The following CTTNBP2 variants were observed in gnomAD, a reference collection of about 807,000 sequenced individuals.
The protein encoded by CTTNBP2 is cortactin-binding protein 2.
A neutral mutation model predicts 156.9 loss-of-function variants in CTTNBP2; 108 were observed. The ratio of observed to expected loss-of-function variants is 0.69; its 90% CI spans 0.59 to 0.81. CTTNBP2 has a LOEUF of 0.81. CTTNBP2 is among the 30% of genes least tolerant of loss of function. The pLI is 0.00. For missense variants in CTTNBP2, 1,924 were observed against 2,035.4 expected (o/e 0.95, Z 1.05); for synonymous variants, 767 against 751.8 (o/e 1.02, Z -0.33).
chr7:117,724,532 A>AC lies in CTTNBP2; in HGVS notation c.4447+14dup, dbSNP rs1218520776. The AC allele has an allele frequency of 2.5e-6, 4 of 1,592,670 alleles. No homozygotes were observed. The East Asian group carries it at 9.0e-5, about 36-fold the overall frequency. On this transcript the variant is annotated intron_variant, in intron 19 of 22. Transcript: ENST00000160373. Reference sequence around the variant, plus strand: ...CCACCTCCTGGTAGGCAACATGCCTACCCCCGCCCTTTACCTTCAGTGCTT... The same window carrying AC: ...CCACCTCCTGGTAGGCAACATGCCTACCCCCCGCCCTTTACCTTCAGTGCTT...
intron 14 of CTTNBP2, among the ~76,000 whole-genome samples, chr7:117,737,990 G>A (rs540025239): frequency 1.5e-3 from 221 of 152,298 alleles, no homozygotes; most frequent in Middle Eastern, 6.8e-3. Flanking sequence ...TTATAAAAGC[G>A]TCATCATGGT....
At chr7:117,811,050 A>G in intron 2 of CTTNBP2, 61 bp from the exon 3 acceptor site, 1 of 1,290,960 alleles carries the variant, frequency 7.7e-7, no homozygotes, top group Non-Finnish European at 1.1e-6. Context: ...AAAGATATTT[A>G]TAAGAAGGTT....
In CTTNBP2 at chr7:117,802,188, G is replaced by A. The variant is rs748575725; in HGVS notation, c.414+8577C>T. On this transcript the variant is annotated intron_variant, in intron 3 of 22. Transcript: ENST00000160373. The stretch of plus-strand genomic sequence containing the variant: ...TTTTTTGTTCTTGCGATAGTTTACT[G>A]AGAATGATGATTCAATACAGGAAAA... Among the ~76,000 whole-genome samples the A allele has an allele frequency of 8.6e-5, 13 of 151,356 alleles. No homozygotes were observed. In the East Asian group the frequency reaches 1.6e-3, roughly 18 times the overall value.
intron 14 of CTTNBP2, among the ~76,000 whole-genome samples, chr7:117,744,023 A>T (rs58931851): frequency 0.05 from 7,551 of 151,000 alleles, 556 homozygotes; most frequent in African/African-American, 0.17. Flanking sequence ...TTTCTTTTTT[A>T]AAAAAAAATT....
intron 2 of CTTNBP2, among the ~76,000 whole-genome samples, chr7:117,823,376 T>G (rs1801083686): frequency 6.6e-6 from 1 of 152,208 alleles, no homozygotes; most frequent in Non-Finnish European, 1.5e-5. Flanking sequence ...TGAAAAAAAT[T>G]GTTTAATATA....
At chr7:117,817,361 A>AAT (rs59036381) in intron 2 of CTTNBP2, among the ~76,000 whole-genome samples, 887 of 53,180 alleles carry the variant, frequency 0.017, 30 homozygotes, top group African/African-American at 0.032. Context: ...AAAAAAAAAA[A>AAT]ATATATATAT....
chr7:117,762,128 C>T (rs1797248749), intron 9 of CTTNBP2, among the ~76,000 whole-genome samples: 4 of 152,108 alleles, frequency 2.6e-5, no homozygotes, highest in Admixed American at 2.0e-4. Flanking sequence ...TGTTTTGGGG[C>T]TCCTTTCTCT....
Position 117,711,635 on chromosome 7 carries a change from T to C in CTTNBP2, c.4894A>G (p.Ser1632Gly). 1.2e-6 allele frequency: 2 copies of C among 1,614,122 alleles called. No individual in the cohort carries two copies. The highest frequency in any genetic ancestry group is 1.7e-6 in the Non-Finnish European group (2 of 1,179,980). ...QCSQNTKRSS[S>G]SSNTRQIEIN... ...TCTATTTGCCTTGTATTACTGCTGC[T>C]GCTGCTTCTTTTGGTGTTCTGGGAA... Residue 1632 changes from serine to glycine, a missense_variant, in exon 23 of 23, where the codon AGC becomes GGC. By Grantham distance (56) the Ser-to-Gly change is moderately conservative (BLOSUM62 0). Transcript: ENST00000160373.
At chr7:117,864,662 A>C (rs1803994528) in intron 1 of CTTNBP2, among the ~76,000 whole-genome samples, 1 of 102,102 alleles carries the variant, frequency 9.8e-6, no homozygotes, top group East Asian at 2.7e-4. Flanking sequence ...AGATGTATGA[A>C]TATATATTCA....
At chr7:117,866,098 G>A (rs1231173939) in intron 1 of CTTNBP2, among the ~76,000 whole-genome samples, 2 of 151,774 alleles carry the variant, frequency 1.3e-5, no homozygotes, top group Non-Finnish European at 2.9e-5. Context: ...GCATTCTTCA[G>A]GATTTTTTCT....
At chr7:117,826,841 T>G (rs1258545257) in intron 2 of CTTNBP2, among the ~76,000 whole-genome samples, 1 of 126,914 alleles carries the variant, frequency 7.9e-6, no homozygotes, top group Non-Finnish European at 1.7e-5. Context: ...TTATTATTAT[T>G]ATTATTATTA....
chr7:117,778,769 T>A (rs1393515571), intron 7 of CTTNBP2, among the ~76,000 whole-genome samples: 6 of 152,326 alleles, frequency 3.9e-5, no homozygotes, highest in South Asian at 2.1e-4. Context: ...TTTAGTTTTT[T>A]AAAAAATTTT....
In CTTNBP2 at chr7:117,792,056, T is replaced by A. The variant is rs780568355; in HGVS notation, c.1140A>T (p.Lys380Asn). 1 of 1,614,044 alleles carries A rather than the reference T, an allele frequency of 6.2e-7. No homozygotes were observed. The highest frequency in any genetic ancestry group is 8.5e-7 in the Non-Finnish European group (1 of 1,180,008). The part of the protein sequence containing the change: ...VPAFPPPSAN[K>N]IEENGPSTGS... ...CAGTGCTTGGTCCATTTTCCTCAAT[T>A]TTGTTTGCACTTGGAGGTGGGAAAG... The change falls in exon 4 of 23, where the codon AAA (lysine) becomes AAT (asparagine). Residue 380 changes from lysine (K) to asparagine (N), a missense_variant. Physicochemically the swap from Lys to Asn is moderately conservative, Grantham distance 94. Transcript: ENST00000160373. The surrounding 1 kb of genome is among the most constrained non-coding windows in gnomAD (Gnocchi z 4.2).
In CTTNBP2 at chr7:117,746,161, G is replaced by C; in HGVS notation, c.3349-62C>G. 3.6e-6 allele frequency: 4 copies of C among 1,101,090 alleles called. No homozygotes were observed. The Admixed American group carries it at 7.4e-5, about 20-fold the overall frequency. 68.2% of individuals were successfully genotyped at this position (1,101,090 alleles called of 1,614,324 possible). A position where few individuals can be genotyped will look rare whatever the true frequency, so the allele number is the denominator to read the frequency against. ...GCTAAATTGATGAGAGAAAAAAGTG[G>C]TACACAGGTGTGGAATTCTTTTTTG... On this transcript the variant is annotated intron_variant, in intron 12 of 22. Coordinates refer to ENST00000160373, the MANE Select transcript of CTTNBP2 (RefSeq NM_033427.3).
At chr7:117,728,467 CCTT>C (rs1466058396) in intron 16 of CTTNBP2, among the ~76,000 whole-genome samples, 200 bp from the exon 17 acceptor site, 2 of 152,138 alleles carry the variant, frequency 1.3e-5, no homozygotes, top group Non-Finnish European at 2.9e-5. Flanking sequence ...GCATTTTTCT[CCTT>C]TAATTCTCAC....
At chr7:117,731,120 GAGTT>G (rs1795376602) in intron 16 of CTTNBP2, among the ~76,000 whole-genome samples, 1 of 152,158 alleles carries the variant, frequency 6.6e-6, no homozygotes, top group African/African-American at 2.4e-5. Flanking sequence ...GGTTTTACAA[GAGTT>G]AGTTAAGTAC....
At chr7:117,804,190 T>G (rs1342196347) in intron 3 of CTTNBP2, among the ~76,000 whole-genome samples, 1 of 152,184 alleles carries the variant, frequency 6.6e-6, no homozygotes, top group Non-Finnish European at 1.5e-5. Context: ...CTCAAACTCC[T>G]GATCTCAAGT....
At chr7:117,852,950 T>A (rs1029852008) in intron 2 of CTTNBP2, among the ~76,000 whole-genome samples, 1 of 152,154 alleles carries the variant, frequency 6.6e-6, no homozygotes, top group Non-Finnish European at 1.5e-5. Context: ...GAAAATGGCA[T>A]ATATCCTATT....
chr7:117,808,867 G>T (rs893760630), intron 3 of CTTNBP2, among the ~76,000 whole-genome samples: 2 of 152,188 alleles, frequency 1.3e-5, no homozygotes, highest in African/African-American at 4.8e-5. Flanking sequence ...GCTTTCATCA[G>T]CTGATACGGT....
Sources: gnomAD v4.1 joint callset for allele counts (sites outside exome capture counted in the v4.1 genomes callset) on GRCh38, gnomAD v4.1.1 for gene constraint, Gnocchi (gnomAD v3.1) non-coding constraint, MANE v1.5 for transcripts, NCBI Gene and HGNC (gene_info 2026-07-23, HGNC 2026-07-21) for gene names.